The following TMEM108 variants were observed in gnomAD, a reference collection of about 807,000 sequenced individuals.
The protein encoded by TMEM108 is cancer/testis antigen 124.
In TMEM108, 12 loss-of-function variants were observed where a neutral mutation model predicts 35.1. That is an observed-to-expected ratio of 0.34 (90% CI 0.22 to 0.55). The LOEUF is 0.55. Ranked by LOEUF, TMEM108 falls within the 20% of genes least tolerant of loss-of-function variation. The pLI, the probability that TMEM108 is intolerant of heterozygous loss-of-function variation, is 0.89. For synonymous variants in TMEM108, 287 were observed against 308.6 expected (o/e 0.93, Z 0.73); for missense variants, 680 against 753.3 (o/e 0.90, Z 1.14).
At chr3:133,075,667 T>A (rs1044177096) in intron 2 of TMEM108, among the ~76,000 whole-genome samples, 1 of 152,182 alleles carries the variant, frequency 6.6e-6, no homozygotes, top group Non-Finnish European at 1.5e-5. Context: ...TTTATCTTTT[T>A]GATAATATCC....
At chr3:133,133,005 T>G (rs1403358900) in intron 2 of TMEM108, among the ~76,000 whole-genome samples, 3 of 152,210 alleles carry the variant, frequency 2.0e-5, no homozygotes, top group Non-Finnish European at 4.4e-5. Flanking sequence ...ATTTCTGCAA[T>G]CTCATGATAA....
At chr3:133,352,719 G>A (rs1490184831) in intron 3 of TMEM108, among the ~76,000 whole-genome samples, 1 of 152,182 alleles carries the variant, frequency 6.6e-6, no homozygotes, top group Non-Finnish European at 1.5e-5. Flanking sequence ...TATGGGAGGG[G>A]CACAGAGCTT....
chr3:133,240,157 T>G (rs755632608), intron 3 of TMEM108, among the ~76,000 whole-genome samples: 13 of 152,134 alleles, frequency 8.5e-5, no homozygotes, highest in Non-Finnish European at 1.9e-4. Flanking sequence ...TTAGAGGCTG[T>G]TTTTGGGGGG....
At chr3:133,232,649 C>T (rs915472117) in intron 3 of TMEM108, among the ~76,000 whole-genome samples, 2 of 152,164 alleles carry the variant, frequency 1.3e-5, no homozygotes, top group Admixed American at 6.5e-5. Context: ...CTTGTATGTG[C>T]CCAGCTGGGG....
At chr3:133,237,423 G>A (rs1465702055) in intron 3 of TMEM108, among the ~76,000 whole-genome samples, 1 of 152,012 alleles carries the variant, frequency 6.6e-6, no homozygotes, top group Non-Finnish European at 1.5e-5. Context: ...CATTTTAATA[G>A]TCCTCTGTTT....
chr3:133,397,244 C>G lies in TMEM108; in HGVS notation c.*1258C>G, dbSNP rs2073318921. ...GAGATGATTACTGCTTTGACACTTC[C>G]TTTCTCTAAAAGAAAAATAGTTTGA... On this transcript the variant is annotated 3_prime_UTR_variant, in exon 6 of 6. Coordinates refer to ENST00000321871, the MANE Select transcript of TMEM108 (RefSeq NM_023943.4). 6.6e-6 allele frequency: 1 copy of G among 152,166 alleles called. No homozygotes were observed. Among genetic ancestry groups the G allele is most frequent in the Non-Finnish European group, 1.5e-5 (1 of 68,032 alleles). 9.4% of individuals were successfully genotyped at this position (152,166 alleles called of 1,614,324 possible). A position where few individuals can be genotyped will look rare whatever the true frequency, so the allele number is the denominator to read the frequency against.
chr3:133,161,203 G>A (rs974987151), intron 2 of TMEM108, among the ~76,000 whole-genome samples: 4 of 152,136 alleles, frequency 2.6e-5, no homozygotes, highest in African/African-American at 9.7e-5. Flanking sequence ...AACACTTCAA[G>A]TACTTGCATT....
chr3:133,112,427 C>G (rs1486315745), intron 2 of TMEM108, among the ~76,000 whole-genome samples: 2 of 152,014 alleles, frequency 1.3e-5, no homozygotes, highest in Non-Finnish European at 2.9e-5. Flanking sequence ...TGTTAAAAAC[C>G]TGTGACAACG....
chr3:133,358,333 G>C (rs2072240099), intron 3 of TMEM108, among the ~76,000 whole-genome samples: 1 of 151,976 alleles, frequency 6.6e-6, no homozygotes, highest in Non-Finnish European at 1.5e-5. Flanking sequence ...CACTACGCCT[G>C]GCTAATTTTC....
chr3:133,038,452 G>A lies in TMEM108; in HGVS notation c.-166+17G>A, dbSNP rs546586668. 6.6e-6 allele frequency: 1 copy of A among 152,364 alleles called. No homozygotes were observed. The highest frequency in any genetic ancestry group is 1.5e-5 in the Non-Finnish European group (1 of 68,104). 9.4% of individuals were successfully genotyped at this position (152,364 alleles called of 1,614,324 possible). A position where few individuals can be genotyped will look rare whatever the true frequency, so the allele number is the denominator to read the frequency against. ...TCTCCCGAGGTAAGCGGCGCTCCGG[G>A]GCGTCCCCCCAGTCCTTCCCATGCT... On this transcript the variant is annotated intron_variant, in intron 1 of 5. Transcript: ENST00000321871.
intron 2 of TMEM108, among the ~76,000 whole-genome samples, chr3:133,109,647 G>A (rs1944202060): frequency 6.6e-6 from 1 of 152,186 alleles, no homozygotes; most frequent in African/African-American, 2.4e-5. Context: ...TGTGTAAGAT[G>A]AGTGTTCCTT....
chr3:133,104,526 C>A (rs182528997), intron 2 of TMEM108, among the ~76,000 whole-genome samples: 87 of 152,156 alleles, frequency 5.7e-4, no homozygotes, highest in African/African-American at 2.0e-3. Context: ...TGCTTTCTCC[C>A]AAAGGGTGAG....
intron 4 of TMEM108, among the ~76,000 whole-genome samples, chr3:133,383,047 G>T (rs73209855): frequency 6.6e-6 from 1 of 152,186 alleles, no homozygotes; most frequent in Non-Finnish European, 1.5e-5. Context: ...AACTGCAGTT[G>T]CCCACTTCTA....
At chr3:133,264,255 T>C (rs1230838822) in intron 3 of TMEM108, among the ~76,000 whole-genome samples, 3 of 152,070 alleles carry the variant, frequency 2.0e-5, no homozygotes, top group Non-Finnish European at 4.4e-5. Flanking sequence ...CAGTGAACTA[T>C]AATTGTGCCA....
At chr3:133,331,309 A>C (rs1423543921) in intron 3 of TMEM108, among the ~76,000 whole-genome samples, 1 of 152,188 alleles carries the variant, frequency 6.6e-6, no homozygotes, top group Non-Finnish European at 1.5e-5. Flanking sequence ...TTTGTAATGA[A>C]AAAATGCTGG....
intron 2 of TMEM108, among the ~76,000 whole-genome samples, chr3:133,187,857 T>C (rs1356299896): frequency 7.4e-6 from 1 of 135,942 alleles, no homozygotes; most frequent in East Asian, 2.3e-4. Context: ...CTTTAAACTT[T>C]ATGCATATCA....
intron 2 of TMEM108, among the ~76,000 whole-genome samples, chr3:133,217,713 A>T (rs924047937): frequency 1.3e-5 from 2 of 151,976 alleles, no homozygotes; most frequent in African/African-American, 4.8e-5. Flanking sequence ...TGTTCTTGGC[A>T]TCTTTGTCAA....
chr3:133,100,050 C>T (rs577667899), intron 2 of TMEM108, among the ~76,000 whole-genome samples: 6 of 152,224 alleles, frequency 3.9e-5, no homozygotes, highest in East Asian at 1.9e-4. Context: ...AACAAAGAGA[C>T]GTTTAATTGG....
chr3:133,351,280 G>A (rs2071987884), intron 3 of TMEM108, among the ~76,000 whole-genome samples: 1 of 152,102 alleles, frequency 6.6e-6, no homozygotes, highest in Non-Finnish European at 1.5e-5. Flanking sequence ...GTGTCTGGTG[G>A]GAAGGTGCTG....
Sources: allele counts gnomAD v4.1 joint callset (sites outside exome capture counted in the v4.1 genomes callset), GRCh38; gene constraint gnomAD v4.1.1; transcripts MANE v1.5; gene names NCBI Gene and HGNC (gene_info 2026-07-23, HGNC 2026-07-21).